GPI: variants seen among roughly 807,000 people sequenced by gnomAD.
The protein encoded by GPI is D-hexose-6-phosphate anomerase.
GPI carries 56 observed loss-of-function variants against 75.8 expected under a neutral mutation model. The ratio of observed to expected loss-of-function variants is 0.74; its 90% confidence interval spans 0.60 to 0.92. GPI has a LOEUF of 0.92. GPI is among the 40% of genes least tolerant of loss of function. The probability of loss-of-function intolerance (pLI) is 0.00; values close to 1 mark genes in which losing one functional copy is unlikely to be tolerated. For missense variants in GPI, 638 were observed against 741.0 expected (o/e 0.86, Z 1.61); for synonymous variants, 288 against 285.4 (o/e 1.01, Z -0.09).
intron 6 of GPI, among the ~76,000 whole-genome samples, chr19:34,378,255 G>A (rs1016657879): frequency 6.6e-6 from 1 of 152,102 alleles, no homozygotes; most frequent in Admixed American, 6.6e-5. Context: ...GTGTAGTGGC[G>A]TGATCTCGGC....
chr19:34,393,939 T>TGGAGAAGAACGCCCCC lies in GPI; in HGVS notation c.937_952dup (p.Val318GlyfsTer22), dbSNP rs771983073. On this transcript the variant is annotated frameshift_variant, in exon 12 of 18. Coordinates refer to ENST00000356487, the MANE Select transcript of GPI (RefSeq NM_000175.5). LOFTEE classifies it high-confidence loss of function. This position sits in a 1 kb window ranked among gnomAD's most constrained non-coding sequence, Gnocchi z 4.4. The stretch of plus-strand genomic sequence containing the variant: ...GACCAGCACTTCCGCACGACGCCCC[T>TGGAGAAGAACGCCCCC]GGAGAAGAACGCCCCCGTCTTGCTG... 6 of 1,613,686 alleles carry TGGAGAAGAACGCCCCC rather than the reference T, an allele frequency of 3.7e-6. No individual in the cohort carries two copies. Among genetic ancestry groups the TGGAGAAGAACGCCCCC allele is most frequent in the Non-Finnish European group, 5.1e-6 (6 of 1,179,976 alleles).
intron 4 of GPI, among the ~76,000 whole-genome samples, chr19:34,372,801 T>C (rs2074475466): frequency 6.6e-6 from 1 of 152,010 alleles, no homozygotes; most frequent in African/African-American, 2.4e-5. Context: ...TGAGACAGAG[T>C]CTCTCTCTTT....
In GPI at chr19:34,400,627, TTA is replaced by T; in HGVS notation, c.*593_*594del. 1 of 408,164 alleles carries T rather than the reference TTA, an allele frequency of 2.4e-6. No individual in the cohort carries two copies. The highest frequency in any genetic ancestry group is 3.5e-5 in the East Asian group (1 of 28,534). 25.3% of individuals were successfully genotyped at this position (408,164 alleles called of 1,614,324 possible). A position where few individuals can be genotyped will look rare whatever the true frequency, so the allele number is the denominator to read the frequency against. On this transcript the variant is annotated 3_prime_UTR_variant, in exon 18 of 18. Coordinates refer to ENST00000356487, the MANE Select transcript of GPI (RefSeq NM_000175.5). ...GATGGTTCTAAAAACTGCATTGAGATTATGTTTGTTTCGGGTGAATTCCTGGA... is the reference window on the plus strand; with the variant it reads ...GATGGTTCTAAAAACTGCATTGAGATTGTTTGTTTCGGGTGAATTCCTGGA...
In GPI at chr19:34,393,866, C is replaced by G; in HGVS notation, c.910-48C>G. The stretch of plus-strand genomic sequence containing the variant: ...TTCTCCCCCACTGTCCTGTCCCTCC[C>G]CTCCCCGTGCAGCTGCTCAGCTCCC... On this transcript the variant is annotated intron_variant, in intron 11 of 17. Transcript: ENST00000356487. The surrounding 1 kb of genome is among the most constrained non-coding windows in gnomAD (Gnocchi z 4.4). The G allele has an allele frequency of 6.2e-7, 1 of 1,609,898 alleles. No homozygotes were observed. Among genetic ancestry groups the G allele is most frequent in the Non-Finnish European group, 8.5e-7 (1 of 1,177,058 alleles).
chr19:34,370,320 G>A (rs748289308), intron 4 of GPI, among the ~76,000 whole-genome samples: 64 of 152,288 alleles, frequency 4.2e-4, no homozygotes, highest in African/African-American at 1.4e-3. Flanking sequence ...GAGGGTGATC[G>A]TCCAAACTCT....
chr19:34,383,480 A>G (rs1299719818), intron 9 of GPI, among the ~76,000 whole-genome samples: 1 of 152,188 alleles, frequency 6.6e-6, no homozygotes, highest in Non-Finnish European at 1.5e-5. Context: ...AGTGAGGATC[A>G]GGTAGTGGGT....
At chr19:34,390,907 C>T (rs1455596603) in intron 9 of GPI, among the ~76,000 whole-genome samples, 2 of 116,608 alleles carry the variant, frequency 1.7e-5, no homozygotes, top group African/African-American at 3.3e-5. Flanking sequence ...GCACCTGGCA[C>T]AGGTATGAGG....
upstream of GPI, among the ~76,000 whole-genome samples, chr19:34,363,673 AGTTGG>A (rs1335774146): frequency 6.6e-6 from 1 of 152,156 alleles, no homozygotes; most frequent in Admixed American, 6.5e-5. Context: ...TACAAAAATT[AGTTGG>A]GTGTGGTGGC....
At chr19:34,381,114 T>A (rs759198389) in intron 8 of GPI, 2 of 388,306 alleles carry the variant, frequency 5.2e-6, no homozygotes, top group Non-Finnish European at 9.8e-6. Context: ...GGTTCCCAGA[T>A]GTCCAGGGGT....
Position 34,401,766 on chromosome 19 carries a change from G to T in GPI, c.*1730G>T, listed in dbSNP as rs963510979. The stretch of plus-strand genomic sequence containing the variant: ...TGATCTTCTCACCTCAGCCTTCCAA[G>T]TAGCTGGGTCCGCAGATGCATGCCA... On this transcript the variant is annotated 3_prime_UTR_variant, in exon 18 of 18. Transcript: ENST00000356487. 6.6e-6 allele frequency: 1 copy of T among 152,180 alleles called. No individual in the cohort carries two copies. The highest frequency in any genetic ancestry group is 1.5e-5 in the Non-Finnish European group (1 of 68,042). 9.4% of individuals were successfully genotyped at this position (152,180 alleles called of 1,614,324 possible). A position where few individuals can be genotyped will look rare whatever the true frequency, so the allele number is the denominator to read the frequency against.
At chr19:34,367,588 G>A (rs2074386161) in intron 3 of GPI, among the ~76,000 whole-genome samples, 1 of 152,178 alleles carries the variant, frequency 6.6e-6, no homozygotes, top group Non-Finnish European at 1.5e-5. Context: ...ACCTTAGCAA[G>A]CCTCTCACTG....
chr19:34,371,274 C>T (rs2074447876), intron 4 of GPI, among the ~76,000 whole-genome samples: 1 of 152,210 alleles, frequency 6.6e-6, no homozygotes, highest in Non-Finnish European at 1.5e-5. Context: ...CTGTGCTCTC[C>T]AAAGTTTGCC....
At position 34,384,340 on chromosome 19, in the gene GPI, G is replaced by T. The variant is rs143485886; in HGVS notation, c.804+2821G>T. On this transcript the variant is annotated intron_variant, in intron 9 of 17. Transcript: ENST00000356487. ...AGATCTAGCAGGCGAGGTTTCAGGG[G>T]TTAAGGTGAGACACAGGTATGTATT... is the stretch of plus-strand genomic sequence containing the variant. Among the ~76,000 whole-genome samples the T allele has an allele frequency of 1.1e-4, 17 of 152,288 alleles. No homozygotes were observed. In the East Asian group the frequency reaches 2.7e-3, roughly 24 times the overall value.
upstream of GPI, among the ~76,000 whole-genome samples, chr19:34,362,181 G>C (rs112520668): frequency 1.3e-5 from 2 of 152,054 alleles, no homozygotes; most frequent in African/African-American, 4.8e-5. Context: ...CAGCTACTAG[G>C]GAGGCTGAGG....
At chr19:34,391,473 T>G (rs2145409516) in intron 9 of GPI, among the ~76,000 whole-genome samples, 4 of 600 alleles carry the variant, frequency 6.7e-3, no homozygotes, top group South Asian at 0.038. Context: ...TGAGGAGATG[T>G]GTCTTCCAGT....
chr19:34,368,648 G>C lies in GPI; in HGVS notation c.348G>C (p.Lys116Asn). The C allele has an allele frequency of 6.2e-7, 1 of 1,614,208 alleles. No individual in the cohort carries two copies. Among genetic ancestry groups the C allele is most frequent in the East Asian group, 2.2e-5 (1 of 44,890 alleles). ...RSNTPILVDG[K>N]DVMPEVNKVL... ...ACACACCCATCCTGGTAGACGGCAA[G>C]GATGTGATGCCAGAGGTCAACAAGG... is the stretch of plus-strand genomic sequence containing the variant. The change falls in exon 4 of 18, where the codon AAG becomes AAC. Residue 116 changes from lysine (K) to asparagine (N), a missense_variant. Lys to Asn is a moderately conservative substitution (Grantham distance 94). Coordinates refer to ENST00000356487, the MANE Select transcript of GPI (RefSeq NM_000175.5).
At chr19:34,379,445 C>T (rs2074606860) in intron 7 of GPI, 73 bp from the exon 8 acceptor site, 8 of 1,281,200 alleles carry the variant, frequency 6.2e-6, no homozygotes, top group Non-Finnish European at 9.1e-6. Flanking sequence ...GGCCTTGGTT[C>T]CTCTAGTGAT....
chr19:34,379,568 T>C lies in GPI; in HGVS notation c.750+6T>C. 1 of 1,612,496 alleles carries C rather than the reference T, an allele frequency of 6.2e-7. No homozygotes were observed. The highest frequency in any genetic ancestry group is 8.5e-7 in the Non-Finnish European group (1 of 1,178,462). ...TTGCCCTGTCTACTAACACAGTAAG[T>C]GCCCCCGTGGTCCCCTGTACTGCCT... On this transcript the variant is annotated splice_donor_region_variant and intron_variant, in intron 8 of 17. Coordinates refer to ENST00000356487, the MANE Select transcript of GPI (RefSeq NM_000175.5).
upstream of GPI, chr19:34,364,929 T>TC: frequency 6.6e-7 from 1 of 1,512,954 alleles, no homozygotes; most frequent in Non-Finnish European, 8.9e-7. Flanking sequence ...CTCTGCAGCC[T>TC]CCAACACCTG....
Sources: gnomAD v4.1 joint callset for allele counts (sites outside exome capture counted in the v4.1 genomes callset) on GRCh38, gnomAD v4.1.1 for gene constraint, Gnocchi (gnomAD v3.1) non-coding constraint, MANE v1.5 for transcripts, NCBI Gene and HGNC (gene_info 2026-07-23, HGNC 2026-07-21) for gene names.